Variants in ZFHX4 observed in about 807,000 individuals in gnomAD.
ZFHX4 encodes zinc finger homeobox protein 4.
ZFHX4 carries 56 observed loss-of-function variants against 267.6 expected under a neutral mutation model. The observed-to-expected ratio is 0.21, with a 90% CI of 0.17 to 0.26. The LOEUF (loss-of-function observed/expected upper bound fraction) is 0.26. Ranked by LOEUF, ZFHX4 falls within the 10% of genes least tolerant of loss-of-function variation. The pLI, the probability that ZFHX4 is intolerant of heterozygous loss-of-function variation, is 1.00. For missense variants in ZFHX4, 4,332 were observed against 4,420.0 expected (o/e 0.98, Z 0.56); for synonymous variants, 1,778 against 1,665.6 (o/e 1.07, Z -1.64).
intron 4 of ZFHX4, 87 bp from the exon 5 acceptor site, chr8:76,833,251 C>A (rs1381789696): frequency 3.6e-6 from 4 of 1,100,992 alleles, no homozygotes; most frequent in Middle Eastern, 2.0e-4. Context: ...CTCCTGACTG[C>A]CAAATTTTGG....
At chr8:76,747,147 T>A (rs73231783) in intron 3 of ZFHX4, among the ~76,000 whole-genome samples, 2,605 of 152,282 alleles carry the variant, frequency 0.017, 83 homozygotes, top group African/African-American at 0.058. Context: ...ATATTAATAA[T>A]TTTTTTAGAA....
intron 4 of ZFHX4, among the ~76,000 whole-genome samples, chr8:76,807,437 T>G (rs1173016418): frequency 6.6e-6 from 1 of 152,090 alleles, no homozygotes; most frequent in East Asian, 1.9e-4. Flanking sequence ...TTGGCAGCTT[T>G]CTCTCTCCTA....
Position 76,763,766 on chromosome 8 carries a change from G to A in ZFHX4, c.3094-14442G>A, listed in dbSNP as rs144578874. ...TAAAAAGAAAAAATGTGCTATAGGCGTAGGAAATATTAACTAGAAAAACAT... is the reference window on the plus strand; with the variant it reads ...TAAAAAGAAAAAATGTGCTATAGGCATAGGAAATATTAACTAGAAAAACAT... On this transcript the variant is annotated intron_variant, in intron 3 of 10. Coordinates refer to ENST00000651372, the MANE Select transcript of ZFHX4 (RefSeq NM_024721.5). 5.7e-3 allele frequency among the ~76,000 whole-genome samples: 873 copies of A among 152,238 alleles called. 26 individuals are homozygous for A. Among genetic ancestry groups the A allele is most frequent in the Admixed American group, 0.046 (696 of 15,268 alleles).
intron 3 of ZFHX4, among the ~76,000 whole-genome samples, chr8:76,773,645 A>G (rs1810327655): frequency 6.6e-6 from 1 of 152,176 alleles, no homozygotes; most frequent in African/African-American, 2.4e-5. Flanking sequence ...ATCCTGGAAG[A>G]TGGATTTCAC....
At chr8:76,702,343 TAATG>T (rs1808126995) in intron 1 of ZFHX4, among the ~76,000 whole-genome samples, 1 of 152,224 alleles carries the variant, frequency 6.6e-6, no homozygotes, top group African/African-American at 2.4e-5. Context: ...GCAGATCTTT[TAATG>T]TTTTCTAAAC....
At chr8:76,832,386 G>T (rs1390036739) in intron 4 of ZFHX4, among the ~76,000 whole-genome samples, 1 of 152,080 alleles carries the variant, frequency 6.6e-6, no homozygotes, top group Non-Finnish European at 1.5e-5. Flanking sequence ...GGGGCTTGAG[G>T]TTTAGCGAGG....
intron 4 of ZFHX4, among the ~76,000 whole-genome samples, chr8:76,807,305 A>G (rs1333957571): frequency 6.6e-6 from 1 of 152,118 alleles, no homozygotes; most frequent in Non-Finnish European, 1.5e-5. Context: ...GAGAAAAACT[A>G]AAGGCTAACC....
At chr8:76,736,770 A>G (rs1461053498) in intron 3 of ZFHX4, among the ~76,000 whole-genome samples, 1 of 152,136 alleles carries the variant, frequency 6.6e-6, no homozygotes, top group Non-Finnish European at 1.5e-5. Flanking sequence ...ATGGTTGCTT[A>G]TATTGCAAAA....
rs1177462006 is a variant in ZFHX4, at chr8:76,851,826, G to A, written c.4905G>A (p.Gly1635=). The A allele has an allele frequency of 1.9e-6, 3 of 1,613,922 alleles. No homozygotes were observed. Among genetic ancestry groups the A allele is most frequent in the East Asian group, 2.2e-5 (1 of 44,844 alleles). Reference sequence around the variant, plus strand: ...AGCCCAGTGGTCATGTGGCTGGTGGGCACAGCATTGCAGCAAATGTCAACA... The same window carrying A: ...AGCCCAGTGGTCATGTGGCTGGTGGACACAGCATTGCAGCAAATGTCAACA... ...KLEPSGHVAG[G]HSIAANVNSP... The change falls in exon 10 of 11, where the codon GGG becomes GGA. Residue 1635 remains glycine, a synonymous_variant. Coordinates refer to ENST00000651372, the MANE Select transcript of ZFHX4 (RefSeq NM_024721.5).
chr8:76,833,326 T>C lies in ZFHX4; in HGVS notation c.3326-12T>C. On this transcript the variant is annotated splice_polypyrimidine_tract_variant and intron_variant, in intron 4 of 10. Coordinates refer to ENST00000651372, the MANE Select transcript of ZFHX4 (RefSeq NM_024721.5). ...GCATGCTGATTACCTTTCACTCTGA[T>C]GTCTTCTGCAGAAACTGCCTCATTG... 2 of 1,608,748 alleles carry C rather than the reference T, an allele frequency of 1.2e-6. No individual in the cohort carries two copies. Among genetic ancestry groups the C allele is most frequent in the East Asian group, 2.2e-5 (1 of 44,728 alleles).
At chr8:76,718,648 T>C (rs1808639723) in intron 3 of ZFHX4, among the ~76,000 whole-genome samples, 1 of 152,082 alleles carries the variant, frequency 6.6e-6, no homozygotes. Context: ...AAAACTAAAA[T>C]GAGATTTTTG....
At chr8:76,798,203 T>C (rs1433839837) in intron 4 of ZFHX4, among the ~76,000 whole-genome samples, 1 of 152,166 alleles carries the variant, frequency 6.6e-6, no homozygotes, top group Non-Finnish European at 1.5e-5. Context: ...TCCTAGTCCA[T>C]ACTATGGTGT....
At chr8:76,699,055 A>C (rs925357679) in intron 1 of ZFHX4, among the ~76,000 whole-genome samples, 28 of 152,228 alleles carry the variant, frequency 1.8e-4, no homozygotes, top group African/African-American at 6.5e-4. Context: ...TGTGTGGTTC[A>C]CTCCGAATCA....
At chr8:76,793,381 A>G (rs966327200) in intron 4 of ZFHX4, among the ~76,000 whole-genome samples, 2 of 152,202 alleles carry the variant, frequency 1.3e-5, no homozygotes, top group Non-Finnish European at 1.5e-5. Flanking sequence ...ATTTTTAAGC[A>G]GATTTTTCAA....
intron 3 of ZFHX4, among the ~76,000 whole-genome samples, chr8:76,752,305 A>T (rs59883296): frequency 0.027 from 4,128 of 151,462 alleles, 194 homozygotes; most frequent in African/African-American, 0.09. Context: ...TATGTTTTTT[A>T]AAAAAAATTA....
At position 76,707,826 on chromosome 8, in the gene ZFHX4, C is replaced by A; in HGVS notation, c.2871C>A (p.Asn957Lys). The A allele has an allele frequency of 6.2e-7, 1 of 1,614,186 alleles. No individual in the cohort carries two copies. Among genetic ancestry groups the A allele is most frequent in the Non-Finnish European group, 8.5e-7 (1 of 1,180,024 alleles). The change falls in exon 3 of 11, where the codon AAC (asparagine) becomes AAA (lysine). Residue 957 changes from asparagine (N) to lysine (K), a missense_variant. Physicochemically the swap from Asn to Lys is moderately conservative, Grantham distance 94 (BLOSUM62 0). Coordinates refer to ENST00000651372, the MANE Select transcript of ZFHX4 (RefSeq NM_024721.5). ...LCNYNTQLKA[N>K]FQLHCKTDKH... is the part of the protein sequence containing the mutation. Reference sequence around the variant, plus strand: ...ACTACAACACTCAGCTCAAAGCCAACTTCCAGCTACACTGCAAGACTGATA... The same window carrying A: ...ACTACAACACTCAGCTCAAAGCCAAATTCCAGCTACACTGCAAGACTGATA...
chr8:76,725,673 C>G (rs11987184), intron 3 of ZFHX4, among the ~76,000 whole-genome samples: 43,997 of 151,970 alleles, frequency 0.29, 8,887 homozygotes, highest in African/African-American at 0.57. Flanking sequence ...TTCTTGCCCT[C>G]CCTTATTTTA....
rs1808311088 is a variant in ZFHX4, at chr8:76,707,594, T to C, written c.2639T>C (p.Met880Thr). Reference sequence around the variant, plus strand: ...ATCCGGCTTGCCAGTGGTCAGCTAATGGGTGATGACCTGTCCCTCCTTACT... The same window carrying C: ...ATCCGGCTTGCCAGTGGTCAGCTAACGGGTGATGACCTGTCCCTCCTTACT... ...PEIRLASGQL[M>T]GDDLSLLTAG... The change falls in exon 3 of 11, where the codon ATG (methionine) becomes ACG (threonine). Residue 880 changes from methionine (M) to threonine (T), a missense_variant. This residue lies in a region of ZFHX4 where 1,195 missense variants were observed against 1,173.6 expected (regional missense o/e 1.02). Coordinates refer to ENST00000651372, the MANE Select transcript of ZFHX4 (RefSeq NM_024721.5). 1.9e-6 allele frequency: 3 copies of C among 1,612,512 alleles called. No homozygotes were observed. Among genetic ancestry groups the C allele is most frequent in the Non-Finnish European group, 1.7e-6 (2 of 1,179,122 alleles).
chr8:76,692,014 C>A (rs924063028), intron 1 of ZFHX4, among the ~76,000 whole-genome samples: 1 of 152,068 alleles, frequency 6.6e-6, no homozygotes, highest in Non-Finnish European at 1.5e-5. Context: ...TATTTTCTTA[C>A]TGACAGGTAC....
Sources: gnomAD v4.1 joint callset for allele counts (sites outside exome capture counted in the v4.1 genomes callset) on GRCh38, gnomAD v4.1.1 for gene constraint, gnomAD v4.1.1 regional missense constraint, MANE v1.5 for transcripts, NCBI Gene and HGNC (gene_info 2026-07-23, HGNC 2026-07-21) for gene names.